PCSK9: variants seen among roughly 807,000 people sequenced by gnomAD.
PCSK9 encodes proprotein convertase subtilisin/kexin type 9, also known as convertase subtilisin/kexin type 9 preproprotein.
PCSK9 carries 57 observed loss-of-function variants against 62.1 expected under a neutral mutation model. The observed-to-expected ratio is 0.92, with a 90% CI of 0.74 to 1.14. The LOEUF is 1.14. PCSK9 is among the 50% of genes most tolerant of loss of function. The pLI is 0.00. For synonymous variants in PCSK9, 387 were observed against 409.4 expected, an observed-to-expected ratio of 0.95 and a Z score of 0.66; for missense variants, 870 against 959.8, an observed-to-expected ratio of 0.91 and a Z score of 1.24.
chr1:55,052,804 C>T lies in PCSK9; in HGVS notation c.799+13C>T. 5 of 1,612,906 alleles carry T rather than the reference C, an allele frequency of 3.1e-6. No individual in the cohort carries two copies. The highest frequency in any genetic ancestry group is 4.2e-6 in the Non-Finnish European group (5 of 1,179,910). ...GGCACCCTCATAGGTAAGTGATGGCCCCAGACGCTGGTCTCTCTCCATCTG... is the reference window on the plus strand; with the variant it reads ...GGCACCCTCATAGGTAAGTGATGGCTCCAGACGCTGGTCTCTCTCCATCTG... On this transcript the variant is annotated intron_variant, in intron 5 of 11. Coordinates refer to ENST00000302118, the MANE Select transcript of PCSK9 (RefSeq NM_174936.4).
At chr1:55,061,123 A>AAAC (rs1644755806) in intron 10 of PCSK9, among the ~76,000 whole-genome samples, 1 of 152,088 alleles carries the variant, frequency 6.6e-6, no homozygotes, top group Non-Finnish European at 1.5e-5. Context: ...GGGTGGAAAG[A>AAAC]TGGTGTTTTC....
At position 55,039,919 on chromosome 1, in the gene PCSK9, G is replaced by A. The variant is rs547860327; in HGVS notation, c.82G>A (p.Ala28Thr). The A allele has an allele frequency of 3.2e-6, 5 of 1,568,296 alleles. No individual in the cohort carries two copies. In the African/African-American group the frequency reaches 5.4e-5, roughly 17 times the overall value. ...GCTGCTGCTCCTGGGTCCCGCGGGC[G>A]CCCGTGCGCAGGAGGACGAGGACGG... is the stretch of plus-strand genomic sequence containing the variant. Reference protein sequence around the residue: ...LLLLLLGPAGARAQEDEDGDY... With the variant: ...LLLLLLGPAGTRAQEDEDGDY... Residue 28 changes from alanine (A) to threonine (T), a missense_variant, in exon 1 of 12, where the codon GCC becomes ACC. By Grantham distance (58) the Ala-to-Thr change is moderately conservative. Transcript: ENST00000302118.
intron 5 of PCSK9, among the ~76,000 whole-genome samples, chr1:55,055,009 GAAAAAAA>G (rs11302533): frequency 7.1e-6 from 1 of 141,446 alleles, no homozygotes; most frequent in Non-Finnish European, 1.5e-5. Flanking sequence ...CGTCTGGAAA[GAAAAAAA>G]AAAAAAAGAG....
At chr1:55,042,885 G>A (rs1051164923) in intron 1 of PCSK9, among the ~76,000 whole-genome samples, 3 of 152,210 alleles carry the variant, frequency 2.0e-5, no homozygotes, top group Non-Finnish European at 4.4e-5. Flanking sequence ...GAAAGGCTTG[G>A]TGCCGTCCTT....
At chr1:55,051,873 T>G in intron 3 of PCSK9, 1 of 316,492 alleles carries the variant, frequency 3.2e-6, no homozygotes, top group Non-Finnish European at 6.1e-6. Flanking sequence ...TATTCTCCTT[T>G]GAGTCTTTAA....
At chr1:55,050,857 C>A in intron 3 of PCSK9, 1 of 314,278 alleles carries the variant, frequency 3.2e-6, no homozygotes, top group Non-Finnish European at 6.2e-6. Context: ...GAGAAAAGGT[C>A]TTTGTAGATG....
chr1:55,059,494 G>C lies in PCSK9; in HGVS notation c.1512G>C (p.Gly504=). 3 of 1,564,318 alleles carry C rather than the reference G, an allele frequency of 1.9e-6. No homozygotes were observed. The highest frequency in any genetic ancestry group is 2.6e-6 in the Non-Finnish European group (3 of 1,153,330). The change falls in exon 10 of 12, where the codon GGG becomes GGC. Residue 504 remains glycine (G), a synonymous_variant. Transcript: ENST00000302118. ...CCGTCTTTGACTCTAAGGCCCAAGG[G>C]GGCAAGCTGGTCTGCCGGGCCCACA... ...KRRGERMEAQ[G]GKLVCRAHNA...
chr1:55,047,874 T>C (rs1218121173), intron 3 of PCSK9, among the ~76,000 whole-genome samples: 2 of 152,112 alleles, frequency 1.3e-5, no homozygotes, highest in Non-Finnish European at 2.9e-5. Context: ...AGGTGAGACC[T>C]CTTCAGTGGA....
At position 55,039,580 on chromosome 1, in the gene PCSK9, G is replaced by C. The variant is rs985741749; in HGVS notation, c.-258G>C. 49 of 576,682 alleles carry C rather than the reference G, an allele frequency of 8.5e-5. No individual in the cohort carries two copies. The highest frequency in any genetic ancestry group is 1.4e-4 in the Non-Finnish European group (47 of 324,884). 35.7% of individuals were successfully genotyped at this position (576,682 alleles called of 1,614,324 possible). A position where few individuals can be genotyped will look rare whatever the true frequency, so the allele number is the denominator to read the frequency against. ...TCGAGGCGCTCATGGTTGCAGGCGG[G>C]CGCCGCCGTTCAGTTCAGGGTCTGA... On this transcript the variant is annotated 5_prime_UTR_variant, in exon 1 of 12. Coordinates refer to ENST00000302118, the MANE Select transcript of PCSK9 (RefSeq NM_174936.4).
intron 3 of PCSK9, among the ~76,000 whole-genome samples, chr1:55,050,235 C>T (rs1489591802): frequency 6.6e-6 from 1 of 152,248 alleles, no homozygotes; most frequent in Non-Finnish European, 1.5e-5. Flanking sequence ...CTGCTAGGAG[C>T]AGACTGAGCA....
rs1453716338 is a variant in PCSK9 at position 55,055,427 on chromosome 1, CCT to C, written c.800-565_800-564del. ...GATAATAAGGTTATTGTGAGGATCC[CCT>C]GAGTTCGTATATTCAGACGCTTAGA... On this transcript the variant is annotated intron_variant, in intron 5 of 11. Coordinates refer to ENST00000302118, the MANE Select transcript of PCSK9 (RefSeq NM_174936.4). Among the ~76,000 whole-genome samples the C allele has an allele frequency of 3.9e-5, 6 of 152,096 alleles. No individual in the cohort carries two copies. The East Asian group carries it at 5.8e-4, about 15-fold the overall frequency.
rs766250575 is a variant in PCSK9, at chr1:55,058,649, T to C, written c.1503+2T>C. The C allele has an allele frequency of 2.5e-6, 4 of 1,606,194 alleles. No individual in the cohort carries two copies. The highest frequency in any genetic ancestry group is 3.4e-6 in the Non-Finnish European group (4 of 1,177,944). Reference sequence around the variant, plus strand: ...AAGCGGCGGGGCGAGCGCATGGAGGTGACTGTACCCCTCCTTCGTGTGTGT... The same window carrying C: ...AAGCGGCGGGGCGAGCGCATGGAGGCGACTGTACCCCTCCTTCGTGTGTGT... On this transcript the variant is annotated splice_donor_variant, in intron 9 of 11. Transcript: ENST00000302118. LOFTEE classifies it high-confidence loss of function.
intron 3 of PCSK9, among the ~76,000 whole-genome samples, chr1:55,049,253 G>A (rs955886226): frequency 6.6e-6 from 1 of 152,242 alleles, no homozygotes; most frequent in Non-Finnish European, 1.5e-5. Flanking sequence ...CTGTGAGGCA[G>A]GAGGGAGTGT....
intron 3 of PCSK9, chr1:55,050,891 T>C (rs1446761268): frequency 3.0e-6 from 1 of 328,524 alleles, no homozygotes; most frequent in Admixed American, 4.5e-5. Context: ...CAAGATGGCA[T>C]CATCTGGATT....
rs1644758668 is a variant in PCSK9 at position 55,061,494 on chromosome 1, T to C, written c.1801T>C (p.Cys601Arg). ...HREASIHASC[C>R]HAPGLECKVK... ...GGAGGCCAGCATCCACGCTTCCTGCTGCCATGCCCCAGGTCTGGAATGCAA... is the reference window on the plus strand; with the variant it reads ...GGAGGCCAGCATCCACGCTTCCTGCCGCCATGCCCCAGGTCTGGAATGCAA... The change falls in exon 11 of 12, where the codon TGC becomes CGC. Residue 601 changes from cysteine to arginine, a missense_variant. By Grantham distance (180) the Cys-to-Arg change is radical (BLOSUM62 -3). Transcript: ENST00000302118. 1.2e-6 allele frequency: 2 copies of C among 1,605,556 alleles called. No individual in the cohort carries two copies. Among genetic ancestry groups the C allele is most frequent in the Non-Finnish European group, 1.7e-6 (2 of 1,176,600 alleles).
intron 4 of PCSK9, 42 bp from the exon 5 acceptor site, chr1:55,052,608 A>G: frequency 1.2e-6 from 2 of 1,609,980 alleles, no homozygotes; most frequent in Non-Finnish European, 1.7e-6. Flanking sequence ...TATAGGGTGG[A>G]GGGGGGGTCT....
intron 3 of PCSK9, among the ~76,000 whole-genome samples, chr1:55,047,444 C>T (rs1178748863): frequency 2.6e-5 from 4 of 152,222 alleles, no homozygotes; most frequent in Admixed American, 2.0e-4. Flanking sequence ...ACTCAGCTTT[C>T]ACCCCTTACC....
In PCSK9 at chr1:55,039,855, C is replaced by A; in HGVS notation, c.18C>A (p.Ser6=). ...TGGCCCTCATGGGCACCGTCAGCTC[C>A]AGGCGGTCCTGGTGGCCGCTGCCAC... The part of the protein sequence containing the change: MGTVS[S]RRSWWPLPLL... Residue 6 remains serine, a synonymous_variant, in exon 1 of 12, where the codon TCC becomes TCA. Transcript: ENST00000302118. The A allele has an allele frequency of 6.4e-7, 1 of 1,565,088 alleles. No homozygotes were observed. Among genetic ancestry groups the A allele is most frequent in the African/African-American group, 1.3e-5 (1 of 74,274 alleles).
chr1:55,057,793 A>G (rs1359384567), intron 7 of PCSK9, among the ~76,000 whole-genome samples: 1 of 152,214 alleles, frequency 6.6e-6, no homozygotes, highest in Non-Finnish European at 1.5e-5. Context: ...CGGGAGCTTG[A>G]TGGATGAATA....
Sources: gnomAD v4.1 joint callset for allele counts (sites outside exome capture counted in the v4.1 genomes callset) on GRCh38, gnomAD v4.1.1 for gene constraint, MANE v1.5 for transcripts, NCBI Gene and HGNC (gene_info 2026-07-23, HGNC 2026-07-21) for gene names.